HMCN2: variants seen among roughly 807,000 people sequenced by gnomAD.
The protein encoded by HMCN2 is hemicentin 2.
A neutral mutation model predicts 377.5 loss-of-function variants in HMCN2; 325 were observed. That is an observed-to-expected ratio of 0.86 (90% CI 0.79 to 0.94). The LOEUF is 0.94. HMCN2 is among the 40% of genes least tolerant of loss of function. HMCN2 has a pLI of 0.00. For missense variants in HMCN2, 4,543 were observed against 4,725.3 expected, an observed-to-expected ratio of 0.96 and a Z score of 1.13; for synonymous variants, 2,007 against 2,046.8, an observed-to-expected ratio of 0.98 and a Z score of 0.53.
chr9:130,326,236 C>T (rs1838128661), intron 21 of HMCN2, among the ~76,000 whole-genome samples: 1 of 152,142 alleles, frequency 6.6e-6, no homozygotes, highest in African/African-American at 2.4e-5. Context: ...GCTTGGAATG[C>T]TGTTCCCCCA....
In HMCN2 at chr9:130,390,945, T is replaced by TG. The variant is rs1366161453; in HGVS notation, c.9524-27dup. On this transcript the variant is annotated intron_variant, in intron 62 of 97. Coordinates refer to ENST00000683500, the MANE Select transcript of HMCN2 (RefSeq NM_001291815.2). ...GTTTCCTATGAGCACAAGAAGGGGC[T>TG]GGGGGATTCAGGGGACCCCTCTGTC... The TG allele has an allele frequency of 7.1e-6, 7 of 985,462 alleles. No homozygotes were observed. The East Asian group carries it at 5.7e-4, about 80-fold the overall frequency. The allele number at this position is 985,462 out of a possible 1,614,324, so 61.0% of individuals were successfully genotyped here. A position where few individuals can be genotyped will look rare whatever the true frequency, so the allele number is the denominator to read the frequency against.
chr9:130,329,388 T>C (rs1356446795), intron 22 of HMCN2, among the ~76,000 whole-genome samples: 2 of 152,094 alleles, frequency 1.3e-5, no homozygotes, highest in South Asian at 2.1e-4. Context: ...CACTCATCAG[T>C]TGATGTGCAC....
rs1840902374 is a variant in HMCN2, at chr9:130,369,608, C to T, written c.6826C>T (p.Gln2276Ter). Residue 2276 changes from glutamine to a stop codon, truncating the protein, a stop_gained, in exon 45 of 98, where the codon CAA becomes TAA. Coordinates refer to ENST00000683500, the MANE Select transcript of HMCN2 (RefSeq NM_001291815.2). LOFTEE classifies it high-confidence loss of function. The surrounding 1 kb of genome is among the most constrained non-coding windows in gnomAD (Gnocchi z 4.5). ...TGCCGGTCCCCGGGAGCCTCCCACACAAGTCTCTGTGGTCCAGGATGGAGT... is the reference window on the plus strand; with the variant it reads ...TGCCGGTCCCCGGGAGCCTCCCACATAAGTCTCTGTGGTCCAGGATGGAGT... Reference protein sequence around the residue: ...QIAGPREPPTQVSVVQDGVAT... With the variant: ...QIAGPREPPT 1 of 985,782 alleles carries T rather than the reference C, an allele frequency of 1.0e-6. No individual in the cohort carries two copies. Among genetic ancestry groups the T allele is most frequent in the Admixed American group, 6.1e-5 (1 of 16,266 alleles). The allele number at this position is 985,782 out of a possible 1,614,324, so 61.1% of individuals were successfully genotyped here.
chr9:130,340,986 A>G, intron 23 of HMCN2, 125 bp from the exon 24 acceptor site: 1 of 152,390 alleles, frequency 6.6e-6, no homozygotes, highest in Non-Finnish European at 1.5e-5. Flanking sequence ...TTTTCCTGCC[A>G]GCCTTTGATT....
At chr9:130,340,519 G>A (rs900460247) in intron 23 of HMCN2, among the ~76,000 whole-genome samples, 1 of 129,038 alleles carries the variant, frequency 7.7e-6, no homozygotes, top group Non-Finnish European at 1.6e-5. Flanking sequence ...CCCAAGTGGC[G>A]CTTTTTTTTT....
chr9:130,417,548 C>T (rs4998705), intron 85 of HMCN2, among the ~76,000 whole-genome samples: 47,828 of 133,176 alleles, frequency 0.36, 9,397 homozygotes, highest in Middle Eastern at 0.52. Flanking sequence ...CAAAAAAAAA[C>T]GAGAGAGACA....
intron 22 of HMCN2, among the ~76,000 whole-genome samples, chr9:130,335,338 T>C (rs1838688593): frequency 6.6e-6 from 1 of 152,154 alleles, no homozygotes; most frequent in African/African-American, 2.4e-5. Flanking sequence ...ATATTTAATT[T>C]TTTAAAAAGC....
chr9:130,335,322 G>A lies in HMCN2; in HGVS notation c.3360-2572G>A, dbSNP rs1021720693. On this transcript the variant is annotated intron_variant, in intron 22 of 97. Transcript: ENST00000683500. ...GCCGTTGATTGGTGGGTGTCGACAT[G>A]TCAACATATTTAATTTTTTAAAAAG... is the stretch of plus-strand genomic sequence containing the variant. Among the ~76,000 whole-genome samples, 380 of 152,272 alleles carry A rather than the reference G, an allele frequency of 2.5e-3. 2 individuals are homozygous for A. The highest frequency in any genetic ancestry group is 8.8e-3 in the African/African-American group (366 of 41,560).
rs1457608067 is a variant in HMCN2, at chr9:130,356,207, C to T, written c.5375C>T (p.Ala1792Val). The T allele has an allele frequency of 7.7e-7, 1 of 1,303,278 alleles. No individual in the cohort carries two copies. The highest frequency in any genetic ancestry group is 1.0e-6 in the Non-Finnish European group (1 of 988,876). 80.7% of individuals were successfully genotyped at this position (1,303,278 alleles called of 1,614,324 possible). The change falls in exon 34 of 98, where the codon GCC becomes GTC. Residue 1792 changes from alanine to valine, a missense_variant. Around this residue, in one of 5 missense-constraint regions of HMCN2, gnomAD observed 1,032 missense variants for 1,285.1 expected, o/e 0.80. Coordinates refer to ENST00000683500, the MANE Select transcript of HMCN2 (RefSeq NM_001291815.2). The part of the protein sequence containing the change: ...LDHSGLFACQ[A>V]TNEAGTAGAE... ...CACTCAGGCCTCTTCGCCTGCCAGG[C>T]CACCAATGAGGCGGGCACTGCCGGG...
At position 130,369,397 on chromosome 9, in the gene HMCN2, TA is replaced by T. The variant is rs1840888472; in HGVS notation, c.6788-172del. On this transcript the variant is annotated intron_variant, in intron 44 of 97. Coordinates refer to ENST00000683500, the MANE Select transcript of HMCN2 (RefSeq NM_001291815.2). This position sits in a 1 kb window ranked among gnomAD's most constrained non-coding sequence, Gnocchi z 4.5. ...TGTGACTCCCAGGCTGTAGTAGCAGTAGGGTGCTGTTATGACCCCATTGTTG... is the reference window on the plus strand; with the variant it reads ...TGTGACTCCCAGGCTGTAGTAGCAGTGGGTGCTGTTATGACCCCATTGTTG... Among the ~76,000 whole-genome samples, 2 of 152,132 alleles carry T rather than the reference TA, an allele frequency of 1.3e-5. No homozygotes were observed. Among genetic ancestry groups the T allele is most frequent in the African/African-American group, 4.8e-5 (2 of 41,432 alleles).
In HMCN2 at chr9:130,360,920, C is replaced by A. The variant is rs1450022649; in HGVS notation, c.5950+316C>A. Among the ~76,000 whole-genome samples, 1 of 151,906 alleles carries A rather than the reference C, an allele frequency of 6.6e-6. No individual in the cohort carries two copies. Among genetic ancestry groups the A allele is most frequent in the Non-Finnish European group, 1.5e-5 (1 of 67,960 alleles). On this transcript the variant is annotated intron_variant, in intron 38 of 97. Transcript: ENST00000683500. This position sits in a 1 kb window ranked among gnomAD's most constrained non-coding sequence, Gnocchi z 4.7. ...ATCTCTCATCCATCCATTTATCCACCCAACCATCCTTTCATTCATTTATCT... is the reference window on the plus strand; with the variant it reads ...ATCTCTCATCCATCCATTTATCCACACAACCATCCTTTCATTCATTTATCT...
intron 1 of HMCN2, among the ~76,000 whole-genome samples, chr9:130,269,527 T>C (rs1353767890): frequency 6.7e-6 from 1 of 148,204 alleles, no homozygotes; most frequent in East Asian, 1.9e-4. Flanking sequence ...CCACCAGAAC[T>C]GTTTCAGGGG....
intron 4 of HMCN2, among the ~76,000 whole-genome samples, chr9:130,290,472 G>T (rs782006343): frequency 6.6e-6 from 1 of 152,186 alleles, no homozygotes; most frequent in Non-Finnish European, 1.5e-5. Flanking sequence ...GGTAATTGTC[G>T]ACTGGTGCTT....
At chr9:130,336,040 G>A (rs1474887055) in intron 22 of HMCN2, among the ~76,000 whole-genome samples, 1 of 152,184 alleles carries the variant, frequency 6.6e-6, no homozygotes, top group Non-Finnish European at 1.5e-5. Context: ...AGAGCAGAGG[G>A]TGTGAGCCTG....
rs1265760164 is a variant in HMCN2, at chr9:130,285,254, C to T, written c.427C>T (p.Arg143Cys). ...GSFIYVFSDA[R>C]AKDYHKKEEL... is the part of the protein sequence containing the mutation. ...CTTCATCTACGTCTTTTCGGATGCC[C>T]GCGCCAAAGACTATCACAAGAAGGA... Residue 143 changes from arginine (R) to cysteine (C), a missense_variant, in exon 3 of 98, where the codon CGC (arginine) becomes TGC (cysteine). Around this residue, in one of 5 missense-constraint regions of HMCN2, gnomAD observed 547 missense variants for 189.9 expected, o/e 2.88. Transcript: ENST00000683500. 1 of 471,128 alleles carries T rather than the reference C, an allele frequency of 2.1e-6. No homozygotes were observed. Among genetic ancestry groups the T allele is most frequent in the South Asian group, 1.5e-5 (1 of 64,560 alleles). 29.2% of individuals were successfully genotyped at this position (471,128 alleles called of 1,614,324 possible).
rs775812506 is a variant in HMCN2, at chr9:130,355,007, C to T, written c.5109C>T (p.Ala1703=). ...ACAGCTGTGTGGCCAGCAGTCCTGC[C>T]GGGGAAGCCGTCCTGCAGTACTCCG... is the stretch of plus-strand genomic sequence containing the variant. ...GLYSCVASSP[A]GEAVLQYSVE... The change falls in exon 32 of 98, where the codon GCC becomes GCT. Residue 1703 remains alanine (A), a synonymous_variant. Coordinates refer to ENST00000683500, the MANE Select transcript of HMCN2 (RefSeq NM_001291815.2). The T allele has an allele frequency of 3.7e-5, 48 of 1,292,916 alleles. No individual in the cohort carries two copies. Among genetic ancestry groups the T allele is most frequent in the Middle Eastern group, 2.6e-4 (1 of 3,844 alleles). 80.1% of individuals were successfully genotyped at this position (1,292,916 alleles called of 1,614,324 possible). A position where few individuals can be genotyped will look rare whatever the true frequency, so the allele number is the denominator to read the frequency against.
At chr9:130,364,119 A>G (rs1166013532) in intron 40 of HMCN2, among the ~76,000 whole-genome samples, 2 of 152,226 alleles carry the variant, frequency 1.3e-5, no homozygotes, top group South Asian at 4.1e-4. Context: ...TACATATTGT[A>G]TGCCCAAGAG....
At position 130,433,613 on chromosome 9, in the gene HMCN2, C is replaced by G; in HGVS notation, c.15160C>G (p.Arg5054Gly). The change falls in exon 98 of 98, where the codon CGG (arginine) becomes GGG (glycine). Residue 5054 changes from arginine to glycine, a missense_variant. Physicochemically the swap from Arg to Gly is moderately radical, Grantham distance 125 (BLOSUM62 -2). Transcript: ENST00000683500. ...CGCGCTCACCCGCGCCGGCCTCTAC[C>G]GGCTCACCGTGCGTGCTGCGGCACC... The part of the protein sequence containing the change: ...RRALTRAGLY[R>G]LTVRAAAPRH... 6.6e-7 allele frequency: 1 copy of G among 1,519,346 alleles called. No individual in the cohort carries two copies. The allele number at this position is 1,519,346 out of a possible 1,614,324, so 94.1% of individuals were successfully genotyped here. A position where few individuals can be genotyped will look rare whatever the true frequency, so the allele number is the denominator to read the frequency against.
Position 130,328,325 on chromosome 9 carries a change from G to A in HMCN2, c.3359+850G>A, listed in dbSNP as rs1838256278. ...CTATGTTGTAGGGTGGGGGTGTGGC[G>A]GGGGGCCGTGGGAGCCCACAGCTCC... is the stretch of plus-strand genomic sequence containing the variant. On this transcript the variant is annotated intron_variant, in intron 22 of 97. Transcript: ENST00000683500. 3.9e-5 allele frequency among the ~76,000 whole-genome samples: 6 copies of A among 152,228 alleles called. No homozygotes were observed. In the South Asian group the frequency reaches 6.2e-4, roughly 16 times the overall value.
Sources: gnomAD v4.1 joint callset for allele counts (sites outside exome capture counted in the v4.1 genomes callset) on GRCh38, gnomAD v4.1.1 for gene constraint, gnomAD v4.1.1 regional missense constraint, Gnocchi (gnomAD v3.1) non-coding constraint, MANE v1.5 for transcripts, NCBI Gene and HGNC (gene_info 2026-07-23, HGNC 2026-07-21) for gene names.